NKAIN2: variants seen among roughly 807,000 people sequenced by gnomAD.
NKAIN2 encodes sodium/potassium-transporting ATPase subunit beta-1-interacting protein 2.
In NKAIN2, 14 loss-of-function variants were observed where a neutral mutation model predicts 32.6. The ratio of observed to expected loss-of-function variants is 0.43; its 90% CI spans 0.28 to 0.67. The LOEUF (loss-of-function observed/expected upper bound fraction) is 0.67, where lower values mean the gene tolerates loss of function less well. NKAIN2 is among the 30% of genes least tolerant of loss of function. The pLI, the probability that NKAIN2 is intolerant of heterozygous loss-of-function variation, is 0.17. For synonymous variants in NKAIN2, 80 were observed against 87.2 expected (o/e 0.92, Z 0.46); for missense variants, 198 against 258.3 (o/e 0.77, Z 1.60).
chr6:124,639,640 A>G (rs1002200146), intron 3 of NKAIN2, among the ~76,000 whole-genome samples: 1 of 152,210 alleles, frequency 6.6e-6, no homozygotes, highest in Non-Finnish European at 1.5e-5. Flanking sequence ...TAAAGAAAAA[A>G]AAAAGTATAT....
intron 1 of NKAIN2, among the ~76,000 whole-genome samples, chr6:124,169,704 C>T (rs1310474970): frequency 1.3e-5 from 2 of 152,028 alleles, no homozygotes; most frequent in African/African-American, 4.8e-5. Flanking sequence ...TTTCTCCATG[C>T]ACTTTGAATG....
intron 2 of NKAIN2, among the ~76,000 whole-genome samples, chr6:124,353,602 A>C (rs955498356): frequency 1.1e-4 from 16 of 152,136 alleles, no homozygotes; most frequent in Admixed American, 3.3e-4. Context: ...AAAATACAAA[A>C]AAATTAGCCG....
intron 1 of NKAIN2, among the ~76,000 whole-genome samples, chr6:124,022,444 G>A (rs894699878): frequency 5.9e-5 from 9 of 152,060 alleles, no homozygotes; most frequent in Non-Finnish European, 8.8e-5. Flanking sequence ...GGTATTTCTA[G>A]TTCTAGATCC....
At chr6:124,313,394 C>CATAG (rs1293435626) in intron 2 of NKAIN2, among the ~76,000 whole-genome samples, 1 of 152,092 alleles carries the variant, frequency 6.6e-6, no homozygotes, top group African/African-American at 2.4e-5. Flanking sequence ...AGGCAGGTCT[C>CATAG]ATAGATTCTC....
At chr6:124,042,628 C>T (rs1781919886) in intron 1 of NKAIN2, among the ~76,000 whole-genome samples, 1 of 151,988 alleles carries the variant, frequency 6.6e-6, no homozygotes, top group African/African-American at 2.4e-5. Flanking sequence ...TATTCTAAGA[C>T]CTGAAATCAT....
chr6:124,232,963 C>T (rs1048867513), intron 1 of NKAIN2, among the ~76,000 whole-genome samples: 1 of 152,062 alleles, frequency 6.6e-6, no homozygotes, highest in African/African-American at 2.4e-5. Context: ...TATGCTGATT[C>T]CTCAGAGCAG....
At chr6:124,660,126 G>A (rs1426266743) in intron 4 of NKAIN2, among the ~76,000 whole-genome samples, 4 of 152,068 alleles carry the variant, frequency 2.6e-5, no homozygotes, top group Admixed American at 6.5e-5. Context: ...TTTGGGGTCA[G>A]ATAAAATATC....
At chr6:124,110,222 T>G (rs1785317834) in intron 1 of NKAIN2, among the ~76,000 whole-genome samples, 1 of 151,850 alleles carries the variant, frequency 6.6e-6, no homozygotes, top group Admixed American at 6.6e-5. Context: ...TAAAGATAAT[T>G]TGACACAGGC....
At chr6:123,940,986 T>C (rs1478355664) in intron 1 of NKAIN2, among the ~76,000 whole-genome samples, 1 of 151,996 alleles carries the variant, frequency 6.6e-6, no homozygotes, top group Non-Finnish European at 1.5e-5. Flanking sequence ...CTACGAATTT[T>C]TTATTTCTTT....
At chr6:124,687,741 T>TACAC (rs1392017501) in intron 4 of NKAIN2, among the ~76,000 whole-genome samples, 399 of 30,000 alleles carry the variant, frequency 0.013, 2 homozygotes, top group Admixed American at 0.037. Flanking sequence ...ATATATGATA[T>TACAC]ATACACACAC....
chr6:124,288,961 T>G (rs923739779), intron 2 of NKAIN2, among the ~76,000 whole-genome samples: 5 of 138,808 alleles, frequency 3.6e-5, no homozygotes, highest in Admixed American at 3.5e-4. Context: ...ATATTGGGAT[T>G]GGTTTCCTGT....
At chr6:124,065,684 A>G (rs1466532023) in intron 1 of NKAIN2, among the ~76,000 whole-genome samples, 1 of 152,152 alleles carries the variant, frequency 6.6e-6, no homozygotes, top group Non-Finnish European at 1.5e-5. Context: ...TCTATTGTTT[A>G]TAGATTACCC....
chr6:124,436,700 C>T (rs1583249937), intron 3 of NKAIN2, among the ~76,000 whole-genome samples: 1 of 152,116 alleles, frequency 6.6e-6, no homozygotes, highest in East Asian at 1.9e-4. Context: ...TCCACTGCTG[C>T]CAACCTGGTC....
At chr6:124,687,763 CACACACACACACACACACAT>C (rs984435215) in intron 4 of NKAIN2, among the ~76,000 whole-genome samples, 1 of 143,198 alleles carries the variant, frequency 7.0e-6, no homozygotes, top group East Asian at 2.0e-4. Flanking sequence ...CACACACACA[CACACACACACACACACACAT>C]ACTGTTCTAT....
chr6:124,089,877 G>A (rs1287479064), intron 1 of NKAIN2, among the ~76,000 whole-genome samples: 1 of 151,850 alleles, frequency 6.6e-6, no homozygotes, highest in African/African-American at 2.4e-5. Flanking sequence ...GTTTATGTAA[G>A]TTGCCCAGTG....
intron 4 of NKAIN2, among the ~76,000 whole-genome samples, chr6:124,759,587 CAA>C (rs1562367507): frequency 6.8e-5 from 7 of 102,268 alleles, no homozygotes; most frequent in Non-Finnish European, 1.1e-4. Flanking sequence ...TCTGAAATTG[CAA>C]CACACACACA....
At chr6:123,980,630 CA>C (rs1319585884) in intron 1 of NKAIN2, among the ~76,000 whole-genome samples, 62 of 152,312 alleles carry the variant, frequency 4.1e-4, no homozygotes, top group African/African-American at 1.3e-3. Flanking sequence ...TCAGGCAGCA[CA>C]GCTAACTTCC....
intron 1 of NKAIN2, among the ~76,000 whole-genome samples, chr6:123,928,548 A>G (rs1389907019): frequency 6.6e-6 from 1 of 152,148 alleles, no homozygotes; most frequent in Non-Finnish European, 1.5e-5. Context: ...TCCTCCAGAG[A>G]AAATTCTATT....
intron 3 of NKAIN2, among the ~76,000 whole-genome samples, chr6:124,571,345 G>A (rs1781120375): frequency 1.3e-5 from 2 of 152,110 alleles, no homozygotes; most frequent in African/African-American, 4.8e-5. Flanking sequence ...GAGGGGCCAG[G>A]CGTGGAATGA....
Sources: allele counts gnomAD v4.1 joint callset (sites outside exome capture counted in the v4.1 genomes callset), GRCh38; gene constraint gnomAD v4.1.1; transcripts MANE v1.5; gene names NCBI Gene and HGNC (gene_info 2026-07-23, HGNC 2026-07-21).